The following RHOBTB2 variants were observed in gnomAD, a reference collection of about 807,000 sequenced individuals.
The protein encoded by RHOBTB2 is Rho related BTB domain containing 2.
RHOBTB2 carries 39 observed loss-of-function variants against 66.5 expected under a neutral mutation model. The observed-to-expected ratio is 0.59, with a 90% CI of 0.45 to 0.77. The LOEUF is 0.77. Among genes scored for constraint, RHOBTB2 ranks in the 30% least tolerant of loss-of-function variants. The pLI is 0.00. For synonymous variants in RHOBTB2, 390 were observed against 395.0 expected, an observed-to-expected ratio of 0.99 and a Z score of 0.15; for missense variants, 755 against 999.1, an observed-to-expected ratio of 0.76 and a Z score of 3.29.
chr8:23,016,370 G>A (rs1811291859), intron 9 of RHOBTB2, among the ~76,000 whole-genome samples: 3 of 152,056 alleles, frequency 2.0e-5, no homozygotes, highest in South Asian at 4.2e-4. Flanking sequence ...TCTCCACCCC[G>A]ATCTCTCCTT....
At chr8:22,961,881 G>T in the RHOBTB2 span, among the ~76,000 whole-genome samples, 1 of 152,082 alleles carries the variant, frequency 6.6e-6, no homozygotes. Flanking sequence ...GTAAGGAAAG[G>T]TATACAATCA....
chr8:22,954,311 T>G, the RHOBTB2 span, among the ~76,000 whole-genome samples: 49 of 152,346 alleles, frequency 3.2e-4, no homozygotes, highest in Middle Eastern at 3.4e-3. Flanking sequence ...AGACAGGTTT[T>G]TTTTGTTTTG....
chr8:22,997,215 G>T (rs1405460658), upstream of RHOBTB2, among the ~76,000 whole-genome samples: 1 of 151,328 alleles, frequency 6.6e-6, no homozygotes, highest in East Asian at 2.0e-4. Context: ...TGCAGAGGAT[G>T]GGCTGGGGGG....
chr8:22,981,007 A>G, the RHOBTB2 span, among the ~76,000 whole-genome samples: 17 of 152,370 alleles, frequency 1.1e-4, no homozygotes, highest in African/African-American at 4.1e-4. Context: ...TCCAAGTATG[A>G]TACGTTATCT....
At chr8:22,962,087 G>A in the RHOBTB2 span, among the ~76,000 whole-genome samples, 2 of 146,318 alleles carry the variant, frequency 1.4e-5, no homozygotes, top group Non-Finnish European at 3.0e-5. Context: ...CTTGAGTCCA[G>A]GAGTTGGAGG....
rs1024241363 is a variant in RHOBTB2 at position 23,019,035 on chromosome 8, C to G, written c.*1566C>G. 2 of 152,312 alleles carry G rather than the reference C, an allele frequency of 1.3e-5. No individual in the cohort carries two copies. The highest frequency in any genetic ancestry group is 6.5e-5 in the Admixed American group (1 of 15,284). 9.4% of individuals were successfully genotyped at this position (152,312 alleles called of 1,614,324 possible). A position where few individuals can be genotyped will look rare whatever the true frequency, so the allele number is the denominator to read the frequency against. The stretch of plus-strand genomic sequence containing the variant: ...CCCGACTCAGATTTCACCACCCACA[C>G]TCTTTTTAGGTGTAAAAGATGGAGT... On this transcript the variant is annotated 3_prime_UTR_variant, in exon 10 of 10. Coordinates refer to ENST00000251822, the MANE Select transcript of RHOBTB2 (RefSeq NM_015178.3).
chr8:23,005,336 C>T lies in RHOBTB2; in HGVS notation c.193-36C>T, dbSNP rs1302928809. On this transcript the variant is annotated intron_variant, in intron 2 of 9. Coordinates refer to ENST00000251822, the MANE Select transcript of RHOBTB2 (RefSeq NM_015178.3). ...TGGCACGCAGAGGTCCCCAAAACTG[C>T]TGCCTTCGAGTCCCACTCTTCCTCC... The T allele has an allele frequency of 7.8e-6, 12 of 1,537,412 alleles. No individual in the cohort carries two copies. The South Asian group carries it at 1.3e-4, about 17-fold the overall frequency.
At chr8:23,005,625 C>T (rs1026618821) in intron 3 of RHOBTB2, 150 bp downstream of exon 3, 1 of 657,426 alleles carries the variant, frequency 1.5e-6, no homozygotes, top group African/African-American at 1.8e-5. Flanking sequence ...CTGGGGCAGC[C>T]TGGTGCAGTG....
chr8:23,010,653 A>G lies in RHOBTB2; in HGVS notation c.1736A>G (p.Asn579Ser). The G allele has an allele frequency of 1.2e-6, 2 of 1,613,702 alleles. No homozygotes were observed. Among genetic ancestry groups the G allele is most frequent in the Non-Finnish European group, 1.7e-6 (2 of 1,179,794 alleles). ...LDDMKLIILA[N>S]RLCLPHLVAL... Reference sequence around the variant, plus strand: ...GACATGAAGCTCATCATTCTAGCCAACCGCCTCTGCCTGCCACACCTGGTT... The same window carrying G: ...GACATGAAGCTCATCATTCTAGCCAGCCGCCTCTGCCTGCCACACCTGGTT... The change falls in exon 7 of 10, where the codon AAC (asparagine) becomes AGC (serine). Residue 579 changes from asparagine to serine, a missense_variant. Physicochemically the swap from Asn to Ser is conservative, Grantham distance 46. Transcript: ENST00000251822.
In RHOBTB2 at chr8:23,004,664, A is replaced by G. The variant is rs1428435110; in HGVS notation, c.192+38A>G. The stretch of plus-strand genomic sequence containing the variant: ...GACTACCTGGCTGGGGGTCCACGCC[A>G]TGAGTCTGGGCTTGGGGGCTTCCTG... On this transcript the variant is annotated intron_variant, in intron 2 of 9. Transcript: ENST00000251822. The surrounding 1 kb of genome is among the most constrained non-coding windows in gnomAD (Gnocchi z 6.4). 3.8e-6 allele frequency: 6 copies of G among 1,575,194 alleles called. No individual in the cohort carries two copies. The Admixed American group carries it at 5.3e-5, about 14-fold the overall frequency.
chr8:22,991,414 AG>A (rs1810423045), intron 1 of RHOBTB2, among the ~76,000 whole-genome samples: 1 of 152,146 alleles, frequency 6.6e-6, no homozygotes, highest in Non-Finnish European at 1.5e-5. Context: ...GATAAACAAA[AG>A]GGAGGAGGAG....
the RHOBTB2 span, among the ~76,000 whole-genome samples, chr8:22,956,912 G>A: frequency 9.2e-5 from 14 of 152,198 alleles, no homozygotes; most frequent in East Asian, 1.9e-3. Context: ...CACCCGCCTC[G>A]GCCTCCCAAA....
At position 23,014,680 on chromosome 8, in the gene RHOBTB2, T is replaced by G. The variant is rs1417104079; in HGVS notation, c.1772-10T>G. The G allele has an allele frequency of 6.2e-7, 1 of 1,613,028 alleles. No individual in the cohort carries two copies. Among genetic ancestry groups the G allele is most frequent in the African/African-American group, 1.3e-5 (1 of 75,012 alleles). Reference sequence around the variant, plus strand: ...CTTCTTCAGCTGATTGGTGGCCGTGTGTGTTACAGAGCAGTACACAGTGAC... The same window carrying G: ...CTTCTTCAGCTGATTGGTGGCCGTGGGTGTTACAGAGCAGTACACAGTGAC... On this transcript the variant is annotated splice_polypyrimidine_tract_variant and intron_variant, in intron 7 of 9. Coordinates refer to ENST00000251822, the MANE Select transcript of RHOBTB2 (RefSeq NM_015178.3).
the RHOBTB2 span, among the ~76,000 whole-genome samples, chr8:22,963,839 T>A: frequency 1.3e-5 from 2 of 152,094 alleles, no homozygotes; most frequent in African/African-American, 4.8e-5. Context: ...TGGAGTGCAA[T>A]GATGTGATCT....
At chr8:22,981,896 C>T in the RHOBTB2 span, among the ~76,000 whole-genome samples, 2 of 91,984 alleles carry the variant, frequency 2.2e-5, no homozygotes, top group South Asian at 2.9e-4. Context: ...GCAGCCTGGG[C>T]GGTTCCATAT....
rs1240749961 is a variant in RHOBTB2 at position 23,010,568 on chromosome 8, A to C, written c.1651A>C (p.Met551Leu). The C allele has an allele frequency of 1.2e-5, 19 of 1,613,904 alleles. No individual in the cohort carries two copies. The highest frequency in any genetic ancestry group is 1.6e-5 in the Non-Finnish European group (19 of 1,179,958). Residue 551 changes from methionine to leucine, a missense_variant, in exon 7 of 10, where the codon ATG becomes CTG. By Grantham distance (15) the Met-to-Leu change is conservative. This residue lies in a region of RHOBTB2 where 353 missense variants were observed against 458.2 expected (regional missense o/e 0.77). Coordinates refer to ENST00000251822, the MANE Select transcript of RHOBTB2 (RefSeq NM_015178.3). Reference sequence around the variant, plus strand: ...GTTTCCCTACACAAGCAAGAGCTGCATGCGGGCCGTGCTGGAATACCTCTA... The same window carrying C: ...GTTTCCCTACACAAGCAAGAGCTGCCTGCGGGCCGTGCTGGAATACCTCTA... ...VVFPYTSKSC[M>L]RAVLEYLYTG...
At chr8:22,995,657 G>C (rs1810530762), upstream of RHOBTB2, among the ~76,000 whole-genome samples, 1 of 152,198 alleles carries the variant, frequency 6.6e-6, no homozygotes, top group Non-Finnish European at 1.5e-5. Context: ...GAGACTCTAG[G>C]CTTTCCAGAT....
At chr8:22,997,208 A>C (rs1408296156), upstream of RHOBTB2, among the ~76,000 whole-genome samples, 1 of 152,112 alleles carries the variant, frequency 6.6e-6, no homozygotes, top group Non-Finnish European at 1.5e-5. Flanking sequence ...AAGGGGCTGC[A>C]GAGGATGGGC....
intron 6 of RHOBTB2, among the ~76,000 whole-genome samples, chr8:23,009,191 AG>A (rs1301936268): frequency 1.4e-5 from 2 of 140,840 alleles, no homozygotes; most frequent in African/African-American, 5.1e-5. Flanking sequence ...AGAGAAAAGA[AG>A]GAAGGGAGGG....
Sources: gnomAD v4.1 joint callset for allele counts (sites outside exome capture counted in the v4.1 genomes callset) on GRCh38, gnomAD v4.1.1 for gene constraint, gnomAD v4.1.1 regional missense constraint, Gnocchi (gnomAD v3.1) non-coding constraint, MANE v1.5 for transcripts, NCBI Gene and HGNC (gene_info 2026-07-23, HGNC 2026-07-21) for gene names.